The following CBFA2T2 variants were observed in gnomAD, a reference collection of about 807,000 sequenced individuals.
CBFA2T2 encodes the protein CBFA2/RUNX1 partner transcriptional co-repressor 2.
In CBFA2T2, 11 loss-of-function variants were observed where a neutral mutation model predicts 62.2. The observed-to-expected ratio is 0.18, with a 90% CI of 0.11 to 0.29. The LOEUF (loss-of-function observed/expected upper bound fraction) is 0.29. Among genes scored for constraint, CBFA2T2 ranks in the 10% least tolerant of loss-of-function variants. The probability of loss-of-function intolerance (pLI) is 1.00; values close to 1 mark genes in which losing one functional copy is unlikely to be tolerated. For missense variants in CBFA2T2, 592 were observed against 774.1 expected (o/e 0.76, Z 2.79); for synonymous variants, 295 against 287.5 (o/e 1.03, Z -0.27).
chr20:33,495,830 T>C (rs1034390929), intron 1 of CBFA2T2, among the ~76,000 whole-genome samples: 4 of 152,234 alleles, frequency 2.6e-5, no homozygotes, highest in African/African-American at 9.6e-5. Context: ...AACCTTCTTG[T>C]GCAGTTCATT....
chr20:33,611,741 C>T (rs2015537961), intron 3 of CBFA2T2, among the ~76,000 whole-genome samples: 2 of 152,254 alleles, frequency 1.3e-5, no homozygotes, highest in South Asian at 4.1e-4. Flanking sequence ...TTTCAAACTC[C>T]TAGCCTCAAG....
At chr20:33,492,660 G>A (rs1291670457) in intron 1 of CBFA2T2, among the ~76,000 whole-genome samples, 2 of 151,996 alleles carry the variant, frequency 1.3e-5, no homozygotes, top group East Asian at 1.9e-4. Context: ...GACTCCAGGC[G>A]CCACCACACC....
At chr20:33,574,830 G>A (rs1392856867) in intron 1 of CBFA2T2, among the ~76,000 whole-genome samples, 1 of 152,094 alleles carries the variant, frequency 6.6e-6, no homozygotes, top group African/African-American at 2.4e-5. Context: ...AGGGCAAAGG[G>A]TTTGAATTTT....
chr20:33,643,297 C>T (rs2016918929), intron 10 of CBFA2T2, among the ~76,000 whole-genome samples: 1 of 152,150 alleles, frequency 6.6e-6, no homozygotes, highest in Non-Finnish European at 1.5e-5. Flanking sequence ...TATTAGGGAA[C>T]AGGCACAGTG....
At chr20:33,602,383 C>T (rs944358249) in intron 1 of CBFA2T2, among the ~76,000 whole-genome samples, 7 of 149,262 alleles carry the variant, frequency 4.7e-5, no homozygotes, top group African/African-American at 1.7e-4. Flanking sequence ...CTTTAGATAA[C>T]CTCATTATTT....
At chr20:33,633,183 C>T (rs1036399224) in intron 8 of CBFA2T2, among the ~76,000 whole-genome samples, 13 of 151,930 alleles carry the variant, frequency 8.6e-5, no homozygotes, top group Admixed American at 2.0e-4. Flanking sequence ...CCAGCCTGGC[C>T]AACATGTCAA....
intron 3 of CBFA2T2, among the ~76,000 whole-genome samples, chr20:33,617,384 T>A (rs906409260): frequency 6.6e-6 from 1 of 152,256 alleles, no homozygotes; most frequent in African/African-American, 2.4e-5. Flanking sequence ...CAAACAATTA[T>A]GCTCTTAATA....
rs1423528834 is a variant in CBFA2T2 at position 33,648,403 on chromosome 20, CAG to C, written c.*3760_*3761del. ...GAAGACCAAAGATGCCAGATGTCCC[CAG>C]AGTTTCTTGAGGGCTGGGTTTCACG... On this transcript the variant is annotated 3_prime_UTR_variant, in exon 11 of 11. Coordinates refer to ENST00000342704, the MANE Select transcript of CBFA2T2 (RefSeq NM_001032999.3). 1 of 150,694 alleles carries C rather than the reference CAG, an allele frequency of 6.6e-6. No individual in the cohort carries two copies. The highest frequency in any genetic ancestry group is 1.9e-4 in the East Asian group (1 of 5,190). 9.3% of individuals were successfully genotyped at this position (150,694 alleles called of 1,614,324 possible). A position where few individuals can be genotyped will look rare whatever the true frequency, so the allele number is the denominator to read the frequency against.
At chr20:33,544,859 A>G (rs971218983) in intron 1 of CBFA2T2, among the ~76,000 whole-genome samples, 5 of 152,048 alleles carry the variant, frequency 3.3e-5, no homozygotes, top group African/African-American at 1.2e-4. Flanking sequence ...TGGTTTATTG[A>G]TGTATCTCCA....
intron 1 of CBFA2T2, among the ~76,000 whole-genome samples, chr20:33,523,017 G>A (rs1313617988): frequency 6.6e-6 from 1 of 152,174 alleles, no homozygotes; most frequent in Non-Finnish European, 1.5e-5. Context: ...TTGTTTTGTA[G>A]AAGTTGGCTA....
chr20:33,547,687 A>AT (rs375808215), intron 1 of CBFA2T2, among the ~76,000 whole-genome samples: 2 of 139,180 alleles, frequency 1.4e-5, no homozygotes, highest in South Asian at 4.9e-4. Context: ...TCTCAAAAAA[A>AT]TGTGTGTGTG....
Position 33,611,414 on chromosome 20 carries a change from C to T in CBFA2T2, c.420+79C>T, listed in dbSNP as rs1324628409. ...AAAGCGAGCAAAGTTCTAGATATTT[C>T]TGCTCATTTTCAAACCCATGGTCAT... is the stretch of plus-strand genomic sequence containing the variant. On this transcript the variant is annotated intron_variant, in intron 3 of 10. Coordinates refer to ENST00000342704, the MANE Select transcript of CBFA2T2 (RefSeq NM_001032999.3). The T allele has an allele frequency of 1.9e-6, 3 of 1,549,054 alleles. No homozygotes were observed. In the African/African-American group the frequency reaches 4.1e-5, roughly 21 times the overall value.
At chr20:33,630,892 C>A (rs1262396163) in intron 8 of CBFA2T2, among the ~76,000 whole-genome samples, 1 of 152,224 alleles carries the variant, frequency 6.6e-6, no homozygotes, top group Non-Finnish European at 1.5e-5. Flanking sequence ...AAAGGCTCAC[C>A]TTTCCCCACC....
At chr20:33,534,969 G>T (rs1324358737) in intron 1 of CBFA2T2, among the ~76,000 whole-genome samples, 1 of 152,194 alleles carries the variant, frequency 6.6e-6, no homozygotes, top group Non-Finnish European at 1.5e-5. Flanking sequence ...GGAAGTGAGT[G>T]CATGCTGTTG....
intron 8 of CBFA2T2, among the ~76,000 whole-genome samples, chr20:33,636,363 G>A (rs1011298994): frequency 2.0e-5 from 3 of 151,962 alleles, no homozygotes; most frequent in African/African-American, 7.3e-5. Context: ...AAAAAATTAG[G>A]ACATAATAGG....
chr20:33,632,629 C>T (rs938466517), intron 8 of CBFA2T2, among the ~76,000 whole-genome samples: 13 of 151,306 alleles, frequency 8.6e-5, no homozygotes, highest in African/African-American at 2.9e-4. Context: ...CCACCACACC[C>T]GGCTGAGTTT....
chr20:33,494,406 C>T (rs1484514025), intron 1 of CBFA2T2, among the ~76,000 whole-genome samples: 3 of 146,258 alleles, frequency 2.1e-5, no homozygotes, highest in Admixed American at 6.9e-5. Flanking sequence ...CTCAGCCTCC[C>T]GAGTAGCTGG....
At chr20:33,619,456 T>C in intron 3 of CBFA2T2, 61 bp from the exon 4 acceptor site, 1 of 819,098 alleles carries the variant, frequency 1.2e-6, no homozygotes, top group Non-Finnish European at 1.9e-6. Flanking sequence ...AAGAAGAGTT[T>C]GGCACTATAA....
intron 1 of CBFA2T2, among the ~76,000 whole-genome samples, chr20:33,597,403 G>C (rs138742226): frequency 6.6e-6 from 1 of 152,132 alleles, no homozygotes; most frequent in South Asian, 2.1e-4. Flanking sequence ...CTACCTGGGG[G>C]TTATGTTAAG....
Sources: gnomAD v4.1 joint callset for allele counts (sites outside exome capture counted in the v4.1 genomes callset) on GRCh38, gnomAD v4.1.1 for gene constraint, MANE v1.5 for transcripts, NCBI Gene and HGNC (gene_info 2026-07-23, HGNC 2026-07-21) for gene names.